RBBP4: variants seen among roughly 807,000 people sequenced by gnomAD.
RBBP4 encodes the protein histone-binding protein RBBP4.
Under a neutral mutation model 57.2 loss-of-function variants are expected in RBBP4, and 3 were observed. The observed-to-expected ratio is 0.05, with a 90% CI of 0.02 to 0.14. The LOEUF is 0.14. Among genes scored for constraint, RBBP4 ranks in the 10% least tolerant of loss-of-function variants. The pLI, the probability that RBBP4 is intolerant of heterozygous loss-of-function variation, is 1.00. For missense variants in RBBP4, 107 were observed against 520.6 expected (o/e 0.21, Z 7.73); for synonymous variants, 151 against 171.5 (o/e 0.88, Z 0.93).
chr1:32,657,330 C>A, intron 2 of RBBP4, 97 bp from the exon 3 acceptor site: 1 of 1,210,514 alleles, frequency 8.3e-7, no homozygotes, highest in Non-Finnish European at 1.2e-6. Context: ...CTCTTAAAAC[C>A]TGGTTGTATT....
intron 2 of RBBP4, 110 bp from the exon 3 acceptor site, chr1:32,657,317 C>G: frequency 9.5e-7 from 1 of 1,054,704 alleles, no homozygotes; most frequent in Non-Finnish European, 1.4e-6. Flanking sequence ...GACTTTTTCC[C>G]CTCTCTTAAA....
rs749971788 is a variant in RBBP4 at position 32,652,064 on chromosome 1, G to A, written c.164+3G>A. ...CAGTGGCTTCCAGATGTAACCAGGT[G>A]ACATGACTCTCCCGAACGTTATTTT... On this transcript the variant is annotated splice_donor_region_variant and intron_variant, in intron 2 of 11. Transcript: ENST00000373493. 8 of 1,610,470 alleles carry A rather than the reference G, an allele frequency of 5.0e-6. No individual in the cohort carries two copies. The highest frequency in any genetic ancestry group is 2.2e-5 in the East Asian group (1 of 44,876).
chr1:32,674,345 T>A (rs1649005155), intron 11 of RBBP4, among the ~76,000 whole-genome samples: 1 of 152,116 alleles, frequency 6.6e-6, no homozygotes, highest in African/African-American at 2.4e-5. Flanking sequence ...GACATCCTCC[T>A]ACCTCAGCCT....
chr1:32,664,136 GCC>G (rs1648546251), intron 3 of RBBP4, among the ~76,000 whole-genome samples: 1 of 152,058 alleles, frequency 6.6e-6, no homozygotes, highest in Non-Finnish European at 1.5e-5. Flanking sequence ...TACCGTGTTA[GCC>G]AGCATAGTCT....
intron 3 of RBBP4, among the ~76,000 whole-genome samples, chr1:32,666,906 G>A (rs1648677555): frequency 6.6e-6 from 1 of 152,174 alleles, no homozygotes; most frequent in African/African-American, 2.4e-5. Context: ...TAACCGGCAG[G>A]TATAGGATGA....
chr1:32,654,243 G>T (rs1399293545), intron 2 of RBBP4, among the ~76,000 whole-genome samples: 1 of 152,110 alleles, frequency 6.6e-6, no homozygotes, highest in African/African-American at 2.4e-5. Context: ...GCATGGTGGT[G>T]CGTACCTGTT....
chr1:32,653,875 G>A (rs956294709), intron 2 of RBBP4, among the ~76,000 whole-genome samples: 3 of 151,686 alleles, frequency 2.0e-5, no homozygotes, highest in African/African-American at 7.3e-5. Flanking sequence ...AGCCAGGATG[G>A]TCTCAATCTC....
intron 8 of RBBP4, among the ~76,000 whole-genome samples, chr1:32,670,957 T>C (rs112416773): frequency 7.2e-5 from 11 of 152,344 alleles, no homozygotes; most frequent in Middle Eastern, 3.4e-3. Context: ...CCTATCTCTT[T>C]GCTTTGCTTG....
At position 32,682,294 on chromosome 1, in the gene RBBP4, G is replaced by A. The variant is rs939807196; in HGVS notation, c.*2589G>A. On this transcript the variant is annotated 3_prime_UTR_variant, in exon 12 of 12. Coordinates refer to ENST00000373493, the MANE Select transcript of RBBP4 (RefSeq NM_005610.3). ...CTCAAGGCTGGGTGTGATGGCTTAT[G>A]CCTGTAATCCCAGCTACTTAGCAGG... is the stretch of plus-strand genomic sequence containing the variant. 1 of 164,330 alleles carries A rather than the reference G, an allele frequency of 6.1e-6. No individual in the cohort carries two copies. 10.2% of individuals were successfully genotyped at this position (164,330 alleles called of 1,614,324 possible).
chr1:32,660,608 A>G (rs1237443819), intron 3 of RBBP4, among the ~76,000 whole-genome samples: 1 of 147,628 alleles, frequency 6.8e-6, no homozygotes, highest in Admixed American at 6.8e-5. Flanking sequence ...TTTTTAAGAG[A>G]TGGCATGTCA....
intron 3 of RBBP4, among the ~76,000 whole-genome samples, chr1:32,660,418 A>ATTTATTTATTTTTT (rs1648350351): frequency 2.6e-5 from 1 of 38,364 alleles, no homozygotes; most frequent in Admixed American, 2.5e-4. Context: ...TTTTTATTTT[A>ATTTATTTATTTTTT]TTTATTTATT....
rs1291179744 is a variant in RBBP4, at chr1:32,684,431, TCA to T, written c.*4729_*4730del. The T allele has an allele frequency of 1.9e-6, 3 of 1,612,618 alleles. No individual in the cohort carries two copies. Among genetic ancestry groups the T allele is most frequent in the African/African-American group, 1.3e-5 (1 of 74,958 alleles). On this transcript the variant is annotated 3_prime_UTR_variant, in exon 12 of 12. Coordinates refer to ENST00000373493, the MANE Select transcript of RBBP4 (RefSeq NM_005610.3). ...TTCTAATGAGCCAAACAATAAAAAC[TCA>T]CATTGTCCACTCTTACTTATAAAAC... is the stretch of plus-strand genomic sequence containing the variant.
At chr1:32,658,738 G>A (rs948895386) in intron 3 of RBBP4, among the ~76,000 whole-genome samples, 7 of 151,746 alleles carry the variant, frequency 4.6e-5, no homozygotes, top group African/African-American at 1.7e-4. Context: ...AGTAGAGACA[G>A]GGTTTCATCA....
At chr1:32,657,215 G>T (rs973739884) in intron 2 of RBBP4, among the ~76,000 whole-genome samples, 4 of 152,190 alleles carry the variant, frequency 2.6e-5, no homozygotes, top group Non-Finnish European at 5.9e-5. Context: ...GCCAGAGGTT[G>T]CAGTGAGCCA....
rs146591143 is a variant in RBBP4 at position 32,664,940 on chromosome 1, G to A, written c.311-3285G>A. On this transcript the variant is annotated intron_variant, in intron 3 of 11. Coordinates refer to ENST00000373493, the MANE Select transcript of RBBP4 (RefSeq NM_005610.3). ...AATAGCATTATGTCTAAAAAACAAT[G>A]TACATACCTTAATTTGAAAATACTT... Among the ~76,000 whole-genome samples the A allele has an allele frequency of 1.9e-3, 293 of 152,136 alleles. 1 individual carries two copies. Among genetic ancestry groups the A allele is most frequent in the African/African-American group, 6.7e-3 (277 of 41,484 alleles).
At chr1:32,664,155 C>G (rs1648548254) in intron 3 of RBBP4, among the ~76,000 whole-genome samples, 1 of 152,112 alleles carries the variant, frequency 6.6e-6, no homozygotes, top group Non-Finnish European at 1.5e-5. Flanking sequence ...GTCTTGATCT[C>G]CTGAACCCTG....
intron 2 of RBBP4, among the ~76,000 whole-genome samples, chr1:32,653,806 C>T (rs1245842411): frequency 6.6e-6 from 1 of 151,406 alleles, no homozygotes. Context: ...CTACAGGTGC[C>T]GGCCACTACC....
At chr1:32,651,729 T>C (rs1367377550) in intron 1 of RBBP4, 185 bp from the exon 2 acceptor site, 17 of 816,436 alleles carry the variant, frequency 2.1e-5, no homozygotes, top group Non-Finnish European at 3.2e-5. Context: ...ACGGAGTGTT[T>C]GGCGGGGATG....
chr1:32,683,865 C>A lies in RBBP4; in HGVS notation c.*4160C>A. 1 of 717,266 alleles carries A rather than the reference C, an allele frequency of 1.4e-6. No homozygotes were observed. Among genetic ancestry groups the A allele is most frequent in the Non-Finnish European group, 2.3e-6 (1 of 429,412 alleles). 44.4% of individuals were successfully genotyped at this position (717,266 alleles called of 1,614,324 possible). ...CCAGGCTGGTCTTGAACTCCTGACT[C>A]CAGGTGATCCACCCTCCTCAGCCTC... On this transcript the variant is annotated 3_prime_UTR_variant, in exon 12 of 12. Transcript: ENST00000373493.
Sources: gnomAD v4.1 joint callset for allele counts (sites outside exome capture counted in the v4.1 genomes callset) on GRCh38, gnomAD v4.1.1 for gene constraint, MANE v1.5 for transcripts, NCBI Gene and HGNC (gene_info 2026-07-23, HGNC 2026-07-21) for gene names.